BNIP1: variants seen among roughly 807,000 people sequenced by gnomAD.
BNIP1 encodes vesicle transport protein SEC20.
BNIP1 carries 25 observed loss-of-function variants against 28.5 expected under a neutral mutation model. The ratio of observed to expected loss-of-function variants is 0.88; its 90% CI spans 0.64 to 1.23. The LOEUF (loss-of-function observed/expected upper bound fraction) is 1.23, where lower values mean the gene tolerates loss of function less well. Among genes scored for constraint, BNIP1 ranks in the 50% most tolerant of loss-of-function variants. The probability of loss-of-function intolerance (pLI) is 0.00; values close to 1 mark genes in which losing one functional copy is unlikely to be tolerated. For missense variants in BNIP1, 276 were observed against 277.0 expected (o/e 1.00, Z 0.02); for synonymous variants, 118 against 101.7 (o/e 1.16, Z -0.96).
chr5:173,151,675 C>T, intron 2 of BNIP1: 1 of 1,613,164 alleles, frequency 6.2e-7, no homozygotes, highest in Non-Finnish European at 8.5e-7. Flanking sequence ...AACTCTCCAA[C>T]TACACCTGTT....
intron 1 of BNIP1, among the ~76,000 whole-genome samples, chr5:173,145,841 A>T (rs1263260896): frequency 6.6e-6 from 1 of 152,262 alleles, no homozygotes; most frequent in Admixed American, 6.5e-5. Context: ...AATAAACCAA[A>T]TTAGATGCAG....
intron 5 of BNIP1, among the ~76,000 whole-genome samples, chr5:173,162,451 C>T (rs879742638): frequency 6.6e-6 from 1 of 152,114 alleles, no homozygotes; most frequent in African/African-American, 2.4e-5. Flanking sequence ...TGTTGAAACC[C>T]TGTCTCTACT....
At position 173,163,782 on chromosome 5, in the gene BNIP1, C is replaced by G. The variant is rs1160852140; in HGVS notation, c.548C>G (p.Thr183Ser). The G allele has an allele frequency of 6.2e-7, 1 of 1,613,418 alleles. No individual in the cohort carries two copies. Among genetic ancestry groups the G allele is most frequent in the Non-Finnish European group, 8.5e-7 (1 of 1,179,746 alleles). The change falls in exon 6 of 6, where the codon ACC (threonine) becomes AGC (serine). Residue 183 changes from threonine (T) to serine (S), a missense_variant. Physicochemically the swap from Thr to Ser is moderately conservative, Grantham distance 58 (BLOSUM62 1). Coordinates refer to ENST00000351486, the MANE Select transcript of BNIP1 (RefSeq NM_001205.3). ...ANEEFKSMSG[T>S]IQLGRKLITK... ...GAAGAATTTAAGTCCATGTCGGGCA[C>G]CATCCAGCTGGGCCGGAAGCTTATC...
chr5:173,147,548 T>TATTC (rs1759875951), intron 2 of BNIP1, among the ~76,000 whole-genome samples: 1 of 151,884 alleles, frequency 6.6e-6, no homozygotes, highest in African/African-American at 2.4e-5. Flanking sequence ...CTTTCTACCC[T>TATTC]ATTCATTCAT....
intron 5 of BNIP1, chr5:173,160,890 A>G (rs541715984): frequency 2.2e-5 from 10 of 456,252 alleles, no homozygotes; most frequent in East Asian, 1.4e-4. Context: ...GTTTCCTCCA[A>G]TAGTTTTCCC....
At chr5:173,152,668 T>C (rs1029688150) in intron 2 of BNIP1, among the ~76,000 whole-genome samples, 4 of 152,180 alleles carry the variant, frequency 2.6e-5, no homozygotes, top group African/African-American at 9.7e-5. Context: ...TACATTCTAA[T>C]AGGGAATACA....
intron 3 of BNIP1, among the ~76,000 whole-genome samples, chr5:173,154,686 C>T (rs1304780585): frequency 6.6e-6 from 1 of 152,160 alleles, no homozygotes; most frequent in South Asian, 2.1e-4. Context: ...TCACGCCTGG[C>T]TAATTTTTGT....
intron 2 of BNIP1, among the ~76,000 whole-genome samples, chr5:173,149,027 C>G (rs2077447139): frequency 6.6e-6 from 1 of 152,110 alleles, no homozygotes; most frequent in Non-Finnish European, 1.5e-5. Flanking sequence ...TTACTCTGCC[C>G]TAGTGGGACC....
At chr5:173,158,390 A>G (rs1760265357) in intron 3 of BNIP1, among the ~76,000 whole-genome samples, 1 of 152,240 alleles carries the variant, frequency 6.6e-6, no homozygotes, top group Admixed American at 6.5e-5. Context: ...TGGACTGAAG[A>G]GGGGCCTTGT....
At chr5:173,163,375 C>T (rs1459843992) in intron 5 of BNIP1, among the ~76,000 whole-genome samples, 1 of 152,202 alleles carries the variant, frequency 6.6e-6, no homozygotes, top group East Asian at 1.9e-4. Flanking sequence ...ACAGTGCCTG[C>T]CCACGATCCC....
rs370701128 is a variant in BNIP1 at position 173,160,072 on chromosome 5, G to C, written c.490+21G>C. On this transcript the variant is annotated intron_variant, in intron 5 of 5. Transcript: ENST00000351486. ...TCTAGGTAAAGCTGGGCCTGGAGTA[G>C]GAAGCTTCTCCCAGAGACGCTGCTC... The C allele has an allele frequency of 2.0e-5, 32 of 1,608,390 alleles. No homozygotes were observed. The African/African-American group carries it at 3.1e-4, about 15-fold the overall frequency.
chr5:173,160,165 TG>T, intron 5 of BNIP1, 114 bp downstream of exon 5: 1 of 945,870 alleles, frequency 1.1e-6, no homozygotes, highest in Non-Finnish European at 1.6e-6. Flanking sequence ...TTCACTGACT[TG>T]GGTGGCTTCT....
Position 173,154,339 on chromosome 5 carries a change from T to G in BNIP1, c.195T>G (p.Ala65=). Residue 65 remains alanine, a synonymous_variant, in exon 3 of 6, where the codon GCT becomes GCG. Transcript: ENST00000351486. ...CCTCAAAGGACCTGGAGCAGTTGGCTAAAGAGCAAGACAAAGAATCAGAGA... is the reference window on the plus strand; with the variant it reads ...CCTCAAAGGACCTGGAGCAGTTGGCGAAAGAGCAAGACAAAGAATCAGAGA... ...RHRIQDLEQL[A]KEQDKESEKQ... is the part of the protein sequence containing the mutation. 2 of 1,613,842 alleles carry G rather than the reference T, an allele frequency of 1.2e-6. No homozygotes were observed. The highest frequency in any genetic ancestry group is 2.2e-5 in the South Asian group (2 of 91,008).
At chr5:173,146,199 A>G (rs1189418214) in intron 1 of BNIP1, among the ~76,000 whole-genome samples, 1 of 152,222 alleles carries the variant, frequency 6.6e-6, no homozygotes, top group East Asian at 1.9e-4. Flanking sequence ...CTATGAGGTA[A>G]GTAGTGTTGT....
At chr5:173,152,278 G>C (rs1561595484) in intron 2 of BNIP1, among the ~76,000 whole-genome samples, 1 of 152,064 alleles carries the variant, frequency 6.6e-6, no homozygotes, top group East Asian at 1.9e-4. Flanking sequence ...TCAGTGCCCA[G>C]TATGTGCCAG....
intron 5 of BNIP1, among the ~76,000 whole-genome samples, chr5:173,162,682 A>G (rs1184082862): frequency 6.6e-6 from 1 of 151,966 alleles, no homozygotes; most frequent in Non-Finnish European, 1.5e-5. Context: ...ATCTCCTGAC[A>G]TCTCCATTTG....
intron 3 of BNIP1, among the ~76,000 whole-genome samples, chr5:173,154,711 C>G (rs981682794): frequency 6.6e-6 from 1 of 152,074 alleles, no homozygotes; most frequent in African/African-American, 2.4e-5. Context: ...TTACTAGAGA[C>G]AGAGTTTCGC....
chr5:173,144,534 G>A lies in BNIP1; in HGVS notation c.-12G>A, dbSNP rs1759771044. On this transcript the variant is annotated 5_prime_UTR_variant, in exon 1 of 6. Transcript: ENST00000351486. Reference sequence around the variant, plus strand: ...TTGGGTCCTGCCGCTGCCCGTAGCCGGCGTCCCCAACATGGCGGCTCCCCA... The same window carrying A: ...TTGGGTCCTGCCGCTGCCCGTAGCCAGCGTCCCCAACATGGCGGCTCCCCA... The A allele has an allele frequency of 6.2e-7, 1 of 1,613,912 alleles. No individual in the cohort carries two copies. The highest frequency in any genetic ancestry group is 8.5e-7 in the Non-Finnish European group (1 of 1,179,860).
At chr5:173,150,398 C>T (rs1399376431) in intron 2 of BNIP1, among the ~76,000 whole-genome samples, 2 of 152,054 alleles carry the variant, frequency 1.3e-5, no homozygotes, top group Admixed American at 1.3e-4. Context: ...CCCTGAGAAA[C>T]AGTATGTCTG....
Sources: gnomAD v4.1 joint callset for allele counts (sites outside exome capture counted in the v4.1 genomes callset) on GRCh38, gnomAD v4.1.1 for gene constraint, MANE v1.5 for transcripts, NCBI Gene and HGNC (gene_info 2026-07-23, HGNC 2026-07-21) for gene names.